The following PHC3 variants were observed in gnomAD, a reference collection of about 807,000 sequenced individuals.
PHC3 encodes polyhomeotic-like protein 3.
In PHC3, 13 loss-of-function variants were observed where a neutral mutation model predicts 107.4. The observed-to-expected ratio is 0.12, with a 90% confidence interval of 0.08 to 0.19. PHC3 has a LOEUF of 0.19. PHC3 is among the 10% of genes least tolerant of loss of function. The probability of loss-of-function intolerance (pLI) is 1.00; values close to 1 mark genes in which losing one functional copy is unlikely to be tolerated. For missense variants in PHC3, 992 were observed against 1,210.9 expected, an observed-to-expected ratio of 0.82 and a Z score of 2.68; for synonymous variants, 456 against 427.4, an observed-to-expected ratio of 1.07 and a Z score of -0.83.
At chr3:170,129,584 A>C in intron 7 of PHC3, 32 bp from the exon 8 acceptor site, 3 of 1,556,454 alleles carry the variant, frequency 1.9e-6, no homozygotes, top group Non-Finnish European at 2.6e-6. Context: ...ATTAGTACTG[A>C]TTTCAAAAAT....
rs1713645036 is a variant in PHC3, at chr3:170,087,839, A to G, written c.*9391T>C. 1 of 152,196 alleles carries G rather than the reference A, an allele frequency of 6.6e-6. No homozygotes were observed. Among genetic ancestry groups the G allele is most frequent in the Non-Finnish European group, 1.5e-5 (1 of 68,008 alleles). 9.4% of individuals were successfully genotyped at this position (152,196 alleles called of 1,614,324 possible). A position where few individuals can be genotyped will look rare whatever the true frequency, so the allele number is the denominator to read the frequency against. On this transcript the variant is annotated 3_prime_UTR_variant, in exon 15 of 15. Coordinates refer to ENST00000495893, the MANE Select transcript of PHC3 (RefSeq NM_024947.4). ...AATGTTGCCATCAACAAACATTTAA[A>G]TGCTCAATTTACTTCACTGAATACA...
chr3:170,155,271 C>T (rs2108631931), intron 4 of PHC3, among the ~76,000 whole-genome samples: 1 of 152,300 alleles, frequency 6.6e-6, no homozygotes, highest in East Asian at 1.9e-4. Flanking sequence ...AGAAACATTT[C>T]ACATTAAAAG....
intron 5 of PHC3, 64 bp from the exon 6 acceptor site, chr3:170,145,585 T>C (rs776418913): frequency 4.2e-6 from 5 of 1,191,532 alleles, no homozygotes; most frequent in Admixed American, 4.2e-5. Context: ...ACACAATGTG[T>C]AGCAGGCAAG....
intron 12 of PHC3, among the ~76,000 whole-genome samples, chr3:170,105,031 C>A (rs986337989): frequency 3.3e-5 from 5 of 152,234 alleles, no homozygotes; most frequent in African/African-American, 2.4e-5. Flanking sequence ...CTCTCATCCA[C>A]ATTTCCCTGT....
rs1480747435 is a variant in PHC3 at position 170,145,470 on chromosome 3, C to T, written c.625G>A (p.Val209Ile). ...GAAGATGACGATGACGACGAGACAA[C>T]AGGAATGTCAGACTGTACAGCAGCC... ...TVAAVQSDIP[V>I]VSSSSSSSCQ... is the part of the protein sequence containing the mutation. The change falls in exon 6 of 15, where the codon GTT becomes ATT. Residue 209 changes from valine (V) to isoleucine (I), a missense_variant. Val to Ile is a conservative substitution (Grantham distance 29). This residue lies in a region of PHC3 where 543 missense variants were observed against 590.8 expected (regional missense o/e 0.92). Transcript: ENST00000495893. The T allele has an allele frequency of 1.9e-6, 3 of 1,613,198 alleles. No individual in the cohort carries two copies. Among genetic ancestry groups the T allele is most frequent in the Non-Finnish European group, 2.5e-6 (3 of 1,179,476 alleles).
intron 9 of PHC3, among the ~76,000 whole-genome samples, chr3:170,121,832 C>T (rs761054847): frequency 6.6e-6 from 1 of 152,168 alleles, no homozygotes; most frequent in Non-Finnish European, 1.5e-5. Flanking sequence ...AATAGTCTGA[C>T]ACATGAATGT....
intron 4 of PHC3, among the ~76,000 whole-genome samples, chr3:170,152,868 C>T (rs1050966807): frequency 2.0e-5 from 3 of 151,750 alleles, no homozygotes. Flanking sequence ...CATCATGTTG[C>T]CCAAGCTTGC....
intron 8 of PHC3, 145 bp from the exon 9 acceptor site, chr3:170,122,889 T>A: frequency 2.2e-6 from 2 of 903,566 alleles, no homozygotes; most frequent in Non-Finnish European, 3.1e-6. Context: ...AAGGAAAACT[T>A]AAAAATTGCT....
chr3:170,120,204 G>A (rs184894685), intron 9 of PHC3, among the ~76,000 whole-genome samples: 220 of 151,990 alleles, frequency 1.4e-3, no homozygotes, highest in African/African-American at 5.1e-3. Flanking sequence ...CAGTTAATCC[G>A]CAGCAACATA....
At chr3:170,102,356 TTTTA>T in intron 14 of PHC3, 119 bp downstream of exon 14, 1 of 1,460,292 alleles carries the variant, frequency 6.8e-7, no homozygotes, top group Non-Finnish European at 9.0e-7. Flanking sequence ...ACAAATGTCA[TTTTA>T]TTTATACATA....
intron 1 of PHC3, among the ~76,000 whole-genome samples, chr3:170,180,727 G>A (rs1257548916): frequency 1.3e-5 from 2 of 152,096 alleles, no homozygotes; most frequent in African/African-American, 4.8e-5. Context: ...CAAAAGGCCA[G>A]CTTAAGTTCT....
intron 6 of PHC3, among the ~76,000 whole-genome samples, chr3:170,141,630 G>C (rs1432018632): frequency 6.6e-6 from 1 of 151,828 alleles, no homozygotes; most frequent in Non-Finnish European, 1.5e-5. Flanking sequence ...TTTTGTTTTT[G>C]AGACAGGGTC....
At chr3:170,167,851 T>C (rs998809114) in intron 4 of PHC3, among the ~76,000 whole-genome samples, 1 of 152,024 alleles carries the variant, frequency 6.6e-6, no homozygotes, top group Non-Finnish European at 1.5e-5. Flanking sequence ...GAGTCTTCAG[T>C]ATGTTAGAAA....
intron 4 of PHC3, among the ~76,000 whole-genome samples, chr3:170,160,243 G>C (rs1428400854): frequency 6.6e-6 from 1 of 152,156 alleles, no homozygotes; most frequent in Non-Finnish European, 1.5e-5. Flanking sequence ...CTCACGGTGA[G>C]ACCTCTTGTC....
rs1300534229 is a variant in PHC3 at position 170,095,577 on chromosome 3, G to C, written c.*1653C>G. 1 of 152,032 alleles carries C rather than the reference G, an allele frequency of 6.6e-6. No homozygotes were observed. Among genetic ancestry groups the C allele is most frequent in the Non-Finnish European group, 1.5e-5 (1 of 68,010 alleles). 9.4% of individuals were successfully genotyped at this position (152,032 alleles called of 1,614,324 possible). ...CAGCTCAACACAATCTTTTTGAAAA[G>C]AGCAGTGAAAATGACTGAAACTCAC... On this transcript the variant is annotated 3_prime_UTR_variant, in exon 15 of 15. Transcript: ENST00000495893.
intron 2 of PHC3, chr3:170,176,899 T>C (rs1730567406): frequency 4.4e-6 from 2 of 455,962 alleles, no homozygotes; most frequent in Non-Finnish European, 8.8e-6. Context: ...AAGGGGATTA[T>C]GTCTCATACC....
At chr3:170,137,408 A>C (rs1005977327) in intron 6 of PHC3, among the ~76,000 whole-genome samples, 4 of 152,150 alleles carry the variant, frequency 2.6e-5, no homozygotes, top group Admixed American at 1.3e-4. Flanking sequence ...TAACCTTTCC[A>C]AACAGCAAGA....
chr3:170,126,525 TATA>T (rs1266973084), intron 8 of PHC3, among the ~76,000 whole-genome samples: 119 of 77,922 alleles, frequency 1.5e-3, no homozygotes, highest in African/African-American at 3.2e-3. Flanking sequence ...TATATATATA[TATA>T]TTTTTTTTTT....
chr3:170,154,934 A>G (rs1726652024), intron 4 of PHC3, among the ~76,000 whole-genome samples: 1 of 152,098 alleles, frequency 6.6e-6, no homozygotes, highest in African/African-American at 2.4e-5. Context: ...ACCAGTTTCC[A>G]TTAATTTCTC....
Sources: allele counts gnomAD v4.1 joint callset (sites outside exome capture counted in the v4.1 genomes callset), GRCh38; gene constraint gnomAD v4.1.1; regional missense constraint gnomAD v4.1.1; transcripts MANE v1.5; gene names NCBI Gene and HGNC (gene_info 2026-07-23, HGNC 2026-07-21).